The following MAB21L3 variants were observed in gnomAD, a reference collection of about 807,000 sequenced individuals.
MAB21L3 encodes mab-21 like 3.
A neutral mutation model predicts 37.7 loss-of-function variants in MAB21L3; 36 were observed. The ratio of observed to expected loss-of-function variants is 0.96; its 90% CI spans 0.73 to 1.26. The LOEUF is 1.26. MAB21L3 is among the 50% of genes most tolerant of loss of function. The pLI is 0.00. For missense variants in MAB21L3, 430 were observed against 447.3 expected (o/e 0.96, Z 0.35); for synonymous variants, 186 against 176.8 (o/e 1.05, Z -0.41).
intron 5 of MAB21L3, among the ~76,000 whole-genome samples, chr1:116,126,662 C>G (rs1315436782): frequency 6.6e-6 from 1 of 152,154 alleles, no homozygotes; most frequent in African/African-American, 2.4e-5. Flanking sequence ...AAAAAAATGG[C>G]ATTAGCCTTC....
chr1:116,120,708 AAATG>A (rs1170609301), intron 3 of MAB21L3, among the ~76,000 whole-genome samples: 1 of 152,172 alleles, frequency 6.6e-6, no homozygotes. Context: ...GATAAATATC[AAATG>A]AATGCATCTG....
intron 7 of MAB21L3, among the ~76,000 whole-genome samples, chr1:116,131,314 C>T (rs139752389): frequency 2.0e-5 from 3 of 152,126 alleles, no homozygotes; most frequent in Admixed American, 6.5e-5. Flanking sequence ...CCTATGCAGC[C>T]GAAGCAGGAT....
intron 3 of MAB21L3, among the ~76,000 whole-genome samples, chr1:116,120,399 T>C (rs1036728826): frequency 9.2e-5 from 8 of 87,230 alleles, no homozygotes; most frequent in Non-Finnish European, 1.6e-4. Context: ...TGATATTACA[T>C]TATACACACA....
At chr1:116,123,092 T>C (rs565729260) in intron 4 of MAB21L3, among the ~76,000 whole-genome samples, 27 of 152,322 alleles carry the variant, frequency 1.8e-4, no homozygotes, top group African/African-American at 6.3e-4. Flanking sequence ...TGGTCAGAGC[T>C]TTCCAGGAGG....
Position 116,112,651 on chromosome 1 carries a change from C to T in MAB21L3, c.36C>T (p.Cys12=), listed in dbSNP as rs61788520. The T allele has an allele frequency of 0.052, 83,122 of 1,613,404 alleles. 2,524 individuals are homozygous for T. Among genetic ancestry groups the T allele is most frequent in the Non-Finnish European group, 0.061 (72,241 of 1,179,428 alleles). Residue 12 remains cysteine, a synonymous_variant, in exon 3 of 8, where the codon TGC becomes TGT. Transcript: ENST00000369500. The part of the protein sequence containing the change: ...KYLTVGDLED[C]LLNKVDLRRQ... ...TTACTGTGGGAGACTTAGAAGATTGCCTACTGAATAAGGTAAGGACAGACC... is the reference window on the plus strand; with the variant it reads ...TTACTGTGGGAGACTTAGAAGATTGTCTACTGAATAAGGTAAGGACAGACC...
chr1:116,126,782 C>T (rs1446092530), intron 5 of MAB21L3, among the ~76,000 whole-genome samples: 2 of 152,110 alleles, frequency 1.3e-5, no homozygotes, highest in South Asian at 2.1e-4. Flanking sequence ...ACAGAAGTTC[C>T]CCAACTTGCC....
chr1:116,132,801 T>G (rs1390680032), intron 7 of MAB21L3, among the ~76,000 whole-genome samples: 4 of 151,242 alleles, frequency 2.6e-5, no homozygotes, highest in Non-Finnish European at 5.9e-5. Flanking sequence ...GGAAGAGAGG[T>G]GGGTGCCGCA....
At chr1:116,118,943 A>G (rs1338017167) in intron 3 of MAB21L3, among the ~76,000 whole-genome samples, 1 of 152,210 alleles carries the variant, frequency 6.6e-6, no homozygotes, top group Non-Finnish European at 1.5e-5. Context: ...GATTGCAGTG[A>G]TTTTAATTTC....
chr1:116,111,431 C>T lies in MAB21L3; in HGVS notation c.-471C>T, dbSNP rs2101605478. 6.6e-6 allele frequency among the ~76,000 whole-genome samples: 1 copy of T among 152,114 alleles called. No individual in the cohort carries two copies. Among genetic ancestry groups the T allele is most frequent in the Admixed American group, 6.5e-5 (1 of 15,282 alleles). ...ATGGGAAGATATGCAAACGCTGAGG[C>T]CCCAAATAGTGCAGTGGCCTTTGTG... is the stretch of plus-strand genomic sequence containing the variant. On this transcript the variant is annotated 5_prime_UTR_variant, in exon 1 of 8. Transcript: ENST00000369500.
chr1:116,135,992 C>T lies in MAB21L3; in HGVS notation c.*2627C>T, dbSNP rs980930091. Among the ~76,000 whole-genome samples the T allele has an allele frequency of 1.3e-5, 2 of 150,806 alleles. No homozygotes were observed. The highest frequency in any genetic ancestry group is 2.9e-5 in the Non-Finnish European group (2 of 67,860). On this transcript the variant is annotated 3_prime_UTR_variant, in exon 8 of 8. Transcript: ENST00000369500. Reference sequence around the variant, plus strand: ...GGGACGTATTTCAAAATAATAAGAGCTATCTATGACAAACCCACAGGCAAT... The same window carrying T: ...GGGACGTATTTCAAAATAATAAGAGTTATCTATGACAAACCCACAGGCAAT...
chr1:116,134,929 GA>G lies in MAB21L3; in HGVS notation c.*1565del, dbSNP rs1660170289. 6.6e-6 allele frequency: 1 copy of G among 152,114 alleles called. No individual in the cohort carries two copies. The highest frequency in any genetic ancestry group is 1.5e-5 in the Non-Finnish European group (1 of 68,004). 9.4% of individuals were successfully genotyped at this position (152,114 alleles called of 1,614,324 possible). ...TTTTTGCCCAAATGTCTATACCAAA[GA>G]TAAATTTCTAAAGCATGAACTACTG... On this transcript the variant is annotated 3_prime_UTR_variant, in exon 8 of 8. Transcript: ENST00000369500.
rs988794188 is a variant in MAB21L3 at position 116,134,186 on chromosome 1, T to C, written c.*821T>C. ...ATGGGCCATGGATGGAACTTCCTTA[T>C]ATATTTATGTAAATAACCTAGTACT... On this transcript the variant is annotated 3_prime_UTR_variant, in exon 8 of 8. Transcript: ENST00000369500. 6.6e-6 allele frequency: 1 copy of C among 152,338 alleles called. No individual in the cohort carries two copies. Among genetic ancestry groups the C allele is most frequent in the African/African-American group, 2.4e-5 (1 of 41,468 alleles). The allele number at this position is 152,338 out of a possible 1,614,324, so 9.4% of individuals were successfully genotyped here. A position where few individuals can be genotyped will look rare whatever the true frequency, so the allele number is the denominator to read the frequency against.
At chr1:116,118,249 G>A (rs565854653) in intron 3 of MAB21L3, among the ~76,000 whole-genome samples, 1 of 152,044 alleles carries the variant, frequency 6.6e-6, no homozygotes, top group Non-Finnish European at 1.5e-5. Context: ...AGGTGTGGTG[G>A]CACGTGCCTG....
At chr1:116,119,327 C>T (rs1012104142) in intron 3 of MAB21L3, among the ~76,000 whole-genome samples, 18 of 152,164 alleles carry the variant, frequency 1.2e-4, no homozygotes, top group African/African-American at 3.9e-4. Context: ...TGATATACAA[C>T]GTGTCTAACA....
At chr1:116,119,274 G>C (rs1264107237) in intron 3 of MAB21L3, among the ~76,000 whole-genome samples, 1 of 152,194 alleles carries the variant, frequency 6.6e-6, no homozygotes, top group East Asian at 1.9e-4. Flanking sequence ...CCACCACAGA[G>C]GACATGCTAA....
chr1:116,120,941 A>T lies in MAB21L3; in HGVS notation c.58A>T (p.Arg20Trp), dbSNP rs763192354. 8 of 1,613,946 alleles carry T rather than the reference A, an allele frequency of 5.0e-6. No homozygotes were observed. The highest frequency in any genetic ancestry group is 3.3e-5 in the South Asian group (3 of 91,070). Reference sequence around the variant, plus strand: ...TCCCTCTCACACCCAGGTGGACTTGAGGCGCCAGCAGATTTCCCAGGCTGT... The same window carrying T: ...TCCCTCTCACACCCAGGTGGACTTGTGGCGCCAGCAGATTTCCCAGGCTGT... ...EDCLLNKVDL[R>W]RQQISQAVEE... is the part of the protein sequence containing the mutation. The change falls in exon 4 of 8, where the codon AGG becomes TGG. Residue 20 changes from arginine to tryptophan, a missense_variant. Physicochemically the swap from Arg to Trp is moderately radical, Grantham distance 101. Transcript: ENST00000369500.
rs180947432 is a variant in MAB21L3 at position 116,114,535 on chromosome 1, G to A, written c.48+1872G>A. Among the ~76,000 whole-genome samples, 77 of 152,282 alleles carry A rather than the reference G, an allele frequency of 5.1e-4. 1 individual carries two copies. Among genetic ancestry groups the A allele is most frequent in the East Asian group, 1.7e-3 (9 of 5,186 alleles). On this transcript the variant is annotated intron_variant, in intron 3 of 7. Transcript: ENST00000369500. ...GTCTTCTTTACTCCAAAGGCCGAAC[G>A]TCCTCTGCCAAACTCCTCTATATCT... is the stretch of plus-strand genomic sequence containing the variant.
chr1:116,126,393 T>G (rs950281217), intron 5 of MAB21L3, among the ~76,000 whole-genome samples: 1 of 152,194 alleles, frequency 6.6e-6, no homozygotes, highest in Non-Finnish European at 1.5e-5. Flanking sequence ...AACGAGGCAA[T>G]GGAGACTTCT....
intron 3 of MAB21L3, among the ~76,000 whole-genome samples, chr1:116,120,432 A>C (rs59512929): frequency 9.9e-4 from 109 of 109,582 alleles, no homozygotes; most frequent in African/African-American, 3.6e-3. Flanking sequence ...CACACACACA[A>C]ACACACACAC....
Sources: gnomAD v4.1 joint callset for allele counts (sites outside exome capture counted in the v4.1 genomes callset) on GRCh38, gnomAD v4.1.1 for gene constraint, MANE v1.5 for transcripts, NCBI Gene and HGNC (gene_info 2026-07-23, HGNC 2026-07-21) for gene names.